DYNC1H1: variants seen among roughly 807,000 people sequenced by gnomAD.
DYNC1H1 encodes cytoplasmic dynein 1 heavy chain 1.
A neutral mutation model predicts 527.1 loss-of-function variants in DYNC1H1; 51 were observed. The observed-to-expected ratio is 0.10, with a 90% CI of 0.08 to 0.12. DYNC1H1 has a LOEUF of 0.12. Ranked by LOEUF, DYNC1H1 falls within the 10% of genes least tolerant of loss-of-function variation. The probability of loss-of-function intolerance (pLI) is 1.00; values close to 1 mark genes in which losing one functional copy is unlikely to be tolerated. For missense variants in DYNC1H1, 2,771 were observed against 5,971.8 expected, an observed-to-expected ratio of 0.46 and a Z score of 17.66; for synonymous variants, 2,189 against 2,278.8, an observed-to-expected ratio of 0.96 and a Z score of 1.12.
In DYNC1H1 at chr14:102,006,166, A is replaced by T; in HGVS notation, c.5712A>T (p.Pro1904=). 1 of 1,613,542 alleles carries T rather than the reference A, an allele frequency of 6.2e-7. No individual in the cohort carries two copies. The highest frequency in any genetic ancestry group is 8.5e-7 in the Non-Finnish European group (1 of 1,179,958). ...TGGAGGCCAGGCTGGGGGGTTCCCC[A>T]TTTGGTAAGTTCTTCCACAGATCTG... ...QALEARLGGS[P]FGPAGTGKTE... Residue 1904 remains proline (P), a synonymous_variant, in exon 27 of 78, where the codon CCA becomes CCT. Coordinates refer to ENST00000360184, the MANE Select transcript of DYNC1H1 (RefSeq NM_001376.5).
In DYNC1H1 at chr14:102,042,593, T is replaced by G. The variant is rs2152596730; in HGVS notation, c.12400-42T>G. The G allele has an allele frequency of 6.2e-7, 1 of 1,613,816 alleles. No individual in the cohort carries two copies. Among genetic ancestry groups the G allele is most frequent in the Non-Finnish European group, 8.5e-7 (1 of 1,179,918 alleles). On this transcript the variant is annotated intron_variant, in intron 68 of 77. Transcript: ENST00000360184. The surrounding 1 kb of genome is among the most constrained non-coding windows in gnomAD (Gnocchi z 5.7). ...GTGTGGTGGAATTGAACAGGCGCCC[T>G]CATCCACACCCGAGCATAACTGGAA...
chr14:102,010,910 A>T lies in DYNC1H1; in HGVS notation c.6576A>T (p.Thr2192=), dbSNP rs1430275634. The change falls in exon 32 of 78, where the codon ACA becomes ACT. Residue 2192 remains threonine (T), a synonymous_variant. Transcript: ENST00000360184. The surrounding 1 kb of genome is among the most constrained non-coding windows in gnomAD (Gnocchi z 6.0). ...AAGTGTGTCAGGAGATGTATTTGAC[A>T]TATGGAGATGGAGAAGAAGTTGGTG... ...LKKVCQEMYL[T]YGDGEEVGGM... 8 of 1,614,226 alleles carry T rather than the reference A, an allele frequency of 5.0e-6. No individual in the cohort carries two copies. The highest frequency in any genetic ancestry group is 1.1e-5 in the South Asian group (1 of 91,088).
Position 102,015,279 on chromosome 14 carries a change from C to T in DYNC1H1, c.7189C>T (p.Arg2397Trp), listed in dbSNP as rs1595616794. Reference protein sequence around the residue: ...LDEGEDEAQRRRKGKEDEGEE... With the variant: ...LDEGEDEAQRWRKGKEDEGEE... ...TGAAGGGGAGGATGAGGCACAGCGG[C>T]GGCGTAAGGGCAAAGAGGATGAGGG... The change falls in exon 35 of 78, where the codon CGG (arginine) becomes TGG (tryptophan). Residue 2397 changes from arginine to tryptophan, a missense_variant. Around this residue, in one of 32 missense-constraint regions of DYNC1H1, gnomAD observed 122 missense variants for 168.4 expected, o/e 0.72. Transcript: ENST00000360184. This position sits in a 1 kb window ranked among gnomAD's most constrained non-coding sequence, Gnocchi z 6.9. The T allele has an allele frequency of 6.2e-7, 1 of 1,614,186 alleles. No individual in the cohort carries two copies. The highest frequency in any genetic ancestry group is 8.5e-7 in the Non-Finnish European group (1 of 1,180,028).
Position 102,045,980 on chromosome 14 carries a change from C to T in DYNC1H1, c.13006+1282C>T, listed in dbSNP as rs2048712213. On this transcript the variant is annotated intron_variant, in intron 72 of 77. Transcript: ENST00000360184. ...AGGAGATGGAGACCATCCTGGCTAA[C>T]ACGGTGAAACCCCGTCTCTACTAAA... 1.3e-5 allele frequency among the ~76,000 whole-genome samples: 2 copies of T among 152,066 alleles called. 1 individual carries two copies. Among genetic ancestry groups the T allele is most frequent in the South Asian group, 4.1e-4 (2 of 4,822 alleles).
At position 102,016,674 on chromosome 14, in the gene DYNC1H1, T is replaced by G. The variant is rs567283535; in HGVS notation, c.7615-92T>G. 5.8e-6 allele frequency: 9 copies of G among 1,544,340 alleles called. No individual in the cohort carries two copies. The East Asian group carries it at 1.6e-4, about 28-fold the overall frequency. On this transcript the variant is annotated intron_variant, in intron 37 of 77. Transcript: ENST00000360184. The surrounding 1 kb of genome is among the most constrained non-coding windows in gnomAD (Gnocchi z 7.3). ...ATTAACCTGACCAATTACTTCCTTGTTCTGAAAGTTCAAGTTTGTGTTCAG... is the reference window on the plus strand; with the variant it reads ...ATTAACCTGACCAATTACTTCCTTGGTCTGAAAGTTCAAGTTTGTGTTCAG...
At chr14:102,008,465 G>T in intron 29 of DYNC1H1, 128 bp downstream of exon 29, 1 of 1,297,396 alleles carries the variant, frequency 7.7e-7, no homozygotes, top group Non-Finnish European at 1.1e-6. Context: ...GTTACAGGCA[G>T]TGTAGTGAGC....
Position 101,979,662 on chromosome 14 carries a change from G to T in DYNC1H1, c.519-57G>T, listed in dbSNP as rs1212023677. The T allele has an allele frequency of 6.2e-7, 1 of 1,611,904 alleles. No individual in the cohort carries two copies. The highest frequency in any genetic ancestry group is 1.1e-5 in the South Asian group (1 of 90,948). The stretch of plus-strand genomic sequence containing the variant: ...ACTATTTGACAGACCTGAAATGATG[G>T]GATCTCTTTGGAGACCAATAGCACA... On this transcript the variant is annotated intron_variant, in intron 3 of 77. Coordinates refer to ENST00000360184, the MANE Select transcript of DYNC1H1 (RefSeq NM_001376.5). This position sits in a 1 kb window ranked among gnomAD's most constrained non-coding sequence, Gnocchi z 4.6.
In DYNC1H1 at chr14:102,036,335, T is replaced by A. The variant is rs1461138700; in HGVS notation, c.10755-154T>A. 1 of 900,542 alleles carries A rather than the reference T, an allele frequency of 1.1e-6. No individual in the cohort carries two copies. Among genetic ancestry groups the A allele is most frequent in the African/African-American group, 1.6e-5 (1 of 60,802 alleles). 55.8% of individuals were successfully genotyped at this position (900,542 alleles called of 1,614,324 possible). Reference sequence around the variant, plus strand: ...TGATGTTAGCATTAAGCATGTAAGCTTTATTGGTAAACCTGAAAACGTCTC... The same window carrying A: ...TGATGTTAGCATTAAGCATGTAAGCATTATTGGTAAACCTGAAAACGTCTC... On this transcript the variant is annotated intron_variant, in intron 56 of 77. Coordinates refer to ENST00000360184, the MANE Select transcript of DYNC1H1 (RefSeq NM_001376.5). This position sits in a 1 kb window ranked among gnomAD's most constrained non-coding sequence, Gnocchi z 5.6.
chr14:101,968,842 G>T (rs968173338), intron 1 of DYNC1H1, among the ~76,000 whole-genome samples: 1 of 152,200 alleles, frequency 6.6e-6, no homozygotes, highest in Non-Finnish European at 1.5e-5. Flanking sequence ...GATTACAGGC[G>T]TGCGCCATGA....
intron 23 of DYNC1H1, 119 bp downstream of exon 23, chr14:102,003,084 T>G (rs1567007148): frequency 7.0e-6 from 9 of 1,286,422 alleles, no homozygotes; most frequent in Non-Finnish European, 9.9e-6. Context: ...AGGATTTTGT[T>G]AGCCAATAAT....
At chr14:102,030,440 T>G in intron 51 of DYNC1H1, 158 bp downstream of exon 51, 1 of 1,098,472 alleles carries the variant, frequency 9.1e-7, no homozygotes, top group East Asian at 2.5e-5. Context: ...TTCTGAATGC[T>G]TGAGATTGTC....
rs747710142 is a variant in DYNC1H1 at position 101,985,692 on chromosome 14, G to A, written c.1467G>A (p.Thr489=). The A allele has an allele frequency of 1.1e-5, 17 of 1,614,000 alleles. No individual in the cohort carries two copies. The highest frequency in any genetic ancestry group is 1.6e-4 in the Middle Eastern group (1 of 6,082). ...VIVRVLRPQV[T]AVAQQNQGEV... The stretch of plus-strand genomic sequence containing the variant: ...TACATATCTTTCTCCTTTAGGTCAC[G>A]GCAGTTGCACAACAGAATCAAGGAG... Residue 489 remains threonine, a synonymous_variant, in exon 8 of 78, where the codon ACG becomes ACA. Coordinates refer to ENST00000360184, the MANE Select transcript of DYNC1H1 (RefSeq NM_001376.5). This position sits in a 1 kb window ranked among gnomAD's most constrained non-coding sequence, Gnocchi z 5.9.
In DYNC1H1 at chr14:102,018,417, G is replaced by C. The variant is rs1465621921; in HGVS notation, c.8178-34G>C. Reference sequence around the variant, plus strand: ...TGCCCCTTCCTGGGAGGCGCTGTCAGGGAGGGGCGCTGAGCGGGGCTATCT... The same window carrying C: ...TGCCCCTTCCTGGGAGGCGCTGTCACGGAGGGGCGCTGAGCGGGGCTATCT... On this transcript the variant is annotated intron_variant, in intron 40 of 77. Transcript: ENST00000360184. The surrounding 1 kb of genome is among the most constrained non-coding windows in gnomAD (Gnocchi z 5.2). 2 of 1,609,478 alleles carry C rather than the reference G, an allele frequency of 1.2e-6. No individual in the cohort carries two copies. The highest frequency in any genetic ancestry group is 2.2e-5 in the South Asian group (2 of 90,812).
chr14:102,048,073 T>C, intron 73 of DYNC1H1, 45 bp downstream of exon 73: 1 of 1,574,762 alleles, frequency 6.4e-7, no homozygotes, highest in Non-Finnish European at 8.6e-7. Context: ...AGGTCCCAGG[T>C]GCTGGGTATG....
In DYNC1H1 at chr14:101,985,833, G is replaced by C. The variant is rs1276854267; in HGVS notation, c.1608G>C (p.Leu536=). ...AGAACGTCAAGGAAGTGGATGGACT[G>C]GATGTTTCCAAAGAGGGCACGGAAG... ...AYENVKEVDG[L]DVSKEGTEAW... Residue 536 remains leucine (L), a synonymous_variant, in exon 8 of 78, where the codon CTG becomes CTC. Transcript: ENST00000360184. This position sits in a 1 kb window ranked among gnomAD's most constrained non-coding sequence, Gnocchi z 5.9. 1 of 1,614,194 alleles carries C rather than the reference G, an allele frequency of 6.2e-7. No individual in the cohort carries two copies. Among genetic ancestry groups the C allele is most frequent in the Admixed American group, 1.7e-5 (1 of 60,022 alleles).
Position 102,039,084 on chromosome 14 carries a change from G to A in DYNC1H1, c.11290G>A (p.Asp3764Asn). 4 of 1,614,196 alleles carry A rather than the reference G, an allele frequency of 2.5e-6. No homozygotes were observed. Among genetic ancestry groups the A allele is most frequent in the South Asian group, 1.1e-5 (1 of 91,072 alleles). The change falls in exon 60 of 78, where the codon GAC becomes AAC. Residue 3764 changes from aspartate (D) to asparagine (N), a missense_variant. Coordinates refer to ENST00000360184, the MANE Select transcript of DYNC1H1 (RefSeq NM_001376.5). This position sits in a 1 kb window ranked among gnomAD's most constrained non-coding sequence, Gnocchi z 7.0. ...GGTGAAAGGGCGCATTTTGGATGAC[G>A]ACACGATCATAACCACTCTGGAGAA... ...NEVKGRILDD[D>N]TIITTLENLK... is the part of the protein sequence containing the mutation.
rs1477864954 is a variant in DYNC1H1 at position 102,038,570 on chromosome 14, A to C, written c.11019A>C (p.Pro3673=). Residue 3673 remains proline, a synonymous_variant, in exon 58 of 78, where the codon CCA becomes CCC. Coordinates refer to ENST00000360184, the MANE Select transcript of DYNC1H1 (RefSeq NM_001376.5). The surrounding 1 kb of genome is among the most constrained non-coding windows in gnomAD (Gnocchi z 7.2). ...GGGACCAGGACATAGACCTGTCGCC[A>C]TCGTTTGTCATCTTCCTGTCCACCC... The part of the protein sequence containing the change: ...TLGDQDIDLS[P]SFVIFLSTRD... 6.2e-7 allele frequency: 1 copy of C among 1,614,210 alleles called. No homozygotes were observed. Among genetic ancestry groups the C allele is most frequent in the South Asian group, 1.1e-5 (1 of 91,088 alleles).
intron 63 of DYNC1H1, 79 bp from the exon 64 acceptor site, chr14:102,040,519 G>T: frequency 1.2e-6 from 2 of 1,609,844 alleles, no homozygotes; most frequent in Non-Finnish European, 1.7e-6. Flanking sequence ...GCGCTCTCGC[G>T]TCAGACTCTC....
At chr14:101,978,908 G>A (rs556234008) in intron 2 of DYNC1H1, among the ~76,000 whole-genome samples, 1 of 152,336 alleles carries the variant, frequency 6.6e-6, no homozygotes, top group African/African-American at 2.4e-5. Flanking sequence ...ATACATAGCA[G>A]GAGGTGAAAC....
Sources: allele counts gnomAD v4.1 joint callset (sites outside exome capture counted in the v4.1 genomes callset), GRCh38; gene constraint gnomAD v4.1.1; regional missense constraint gnomAD v4.1.1; non-coding constraint Gnocchi (gnomAD v3.1); transcripts MANE v1.5; gene names NCBI Gene and HGNC (gene_info 2026-07-23, HGNC 2026-07-21).